SGCZ: variants seen among roughly 807,000 people sequenced by gnomAD.
The protein encoded by SGCZ is zeta-sarcoglycan.
SGCZ carries 40 observed loss-of-function variants against 41.3 expected under a neutral mutation model. The ratio of observed to expected loss-of-function variants is 0.97; its 90% CI spans 0.75 to 1.26. The LOEUF (loss-of-function observed/expected upper bound fraction) is 1.26. Ranked by LOEUF, SGCZ falls within the 50% of genes most tolerant of loss-of-function variation. The probability of loss-of-function intolerance (pLI) is 0.00; values close to 1 mark genes in which losing one functional copy is unlikely to be tolerated. For missense variants in SGCZ, 552 were observed against 369.8 expected (o/e 1.49, Z -4.04); for synonymous variants, 206 against 137.5 (o/e 1.50, Z -3.49).
chr8:14,422,360 A>G (rs1052767231), intron 2 of SGCZ, among the ~76,000 whole-genome samples: 11 of 152,334 alleles, frequency 7.2e-5, no homozygotes, highest in African/African-American at 2.6e-4. Context: ...ACTAGTATGT[A>G]TATTTACTTT....
chr8:15,054,770 C>T (rs553541042), intron 1 of SGCZ, among the ~76,000 whole-genome samples: 96 of 151,200 alleles, frequency 6.3e-4, no homozygotes, highest in African/African-American at 2.2e-3. Flanking sequence ...CTGGCTAACA[C>T]GGTGAAACCC....
intron 1 of SGCZ, among the ~76,000 whole-genome samples, chr8:15,091,807 C>G (rs1806162131): frequency 7.2e-5 from 11 of 152,106 alleles, no homozygotes. Flanking sequence ...GGCTGGAGTG[C>G]AGTGTTGTGA....
chr8:14,378,577 T>G (rs575704861), intron 2 of SGCZ, among the ~76,000 whole-genome samples: 10 of 151,988 alleles, frequency 6.6e-5, no homozygotes, highest in Non-Finnish European at 1.0e-4. Flanking sequence ...TCAAACAAAT[T>G]TACAAGAAAA....
chr8:14,360,619 C>A lies in SGCZ; in HGVS notation c.235-36415G>T, dbSNP rs372099097. On this transcript the variant is annotated intron_variant, in intron 2 of 7. Coordinates refer to ENST00000382080, the MANE Select transcript of SGCZ (RefSeq NM_139167.4). ...GGGATTACAGGTGTGAGTCACCGCG[C>A]CTGGCTGTTTATTTATTTATTTATT... is the stretch of plus-strand genomic sequence containing the variant. Among the ~76,000 whole-genome samples the A allele has an allele frequency of 2.0e-5, 3 of 150,030 alleles. No individual in the cohort carries two copies. The East Asian group carries it at 5.8e-4, about 29-fold the overall frequency.
chr8:14,526,732 A>G (rs1802961211), intron 2 of SGCZ, among the ~76,000 whole-genome samples: 1 of 152,094 alleles, frequency 6.6e-6, no homozygotes, highest in African/African-American at 2.4e-5. Context: ...TGCATATCAC[A>G]TCAACTCCTA....
At chr8:14,458,262 G>A (rs1029211320) in intron 2 of SGCZ, among the ~76,000 whole-genome samples, 6 of 152,026 alleles carry the variant, frequency 3.9e-5, no homozygotes, top group African/African-American at 9.7e-5. Flanking sequence ...AATGAAAAAC[G>A]TAAGCACACA....
At chr8:14,287,429 G>C (rs778132500) in intron 3 of SGCZ, among the ~76,000 whole-genome samples, 1 of 145,838 alleles carries the variant, frequency 6.9e-6, no homozygotes, top group African/African-American at 2.5e-5. Flanking sequence ...TTATATTACC[G>C]ATTTCTGTCT....
intron 1 of SGCZ, among the ~76,000 whole-genome samples, chr8:14,870,759 G>A (rs1339104003): frequency 6.6e-6 from 1 of 151,550 alleles, no homozygotes; most frequent in Non-Finnish European, 1.5e-5. Flanking sequence ...TCAAAAAGTG[G>A]GTGAAGAATA....
At chr8:14,131,911 G>C (rs974993509) in intron 5 of SGCZ, among the ~76,000 whole-genome samples, 1 of 152,082 alleles carries the variant, frequency 6.6e-6, no homozygotes, top group Non-Finnish European at 1.5e-5. Flanking sequence ...ATTTTATATA[G>C]TCTAGGTGGA....
intron 1 of SGCZ, among the ~76,000 whole-genome samples, chr8:15,136,176 A>C (rs1424549097): frequency 1.3e-5 from 2 of 151,892 alleles, no homozygotes; most frequent in Non-Finnish European, 2.9e-5. Context: ...GTCAAGCCCC[A>C]CCTCCTGAGT....
intron 1 of SGCZ, among the ~76,000 whole-genome samples, chr8:14,596,962 C>T (rs1805432366): frequency 6.6e-6 from 1 of 152,152 alleles, no homozygotes; most frequent in African/African-American, 2.4e-5. Flanking sequence ...TGTCATCAAC[C>T]TTTGGGGAAC....
intron 2 of SGCZ, among the ~76,000 whole-genome samples, chr8:14,492,791 T>C (rs899068061): frequency 5.9e-5 from 9 of 151,866 alleles, no homozygotes; most frequent in African/African-American, 1.7e-4. Flanking sequence ...AAAAGTGGTA[T>C]TCTTCCTGTG....
At chr8:14,268,393 G>C (rs1799949767) in intron 3 of SGCZ, among the ~76,000 whole-genome samples, 1 of 150,588 alleles carries the variant, frequency 6.6e-6, no homozygotes, top group African/African-American at 2.4e-5. Flanking sequence ...CTTTAACATT[G>C]CTTCATACCA....
chr8:14,471,640 A>C (rs1430692396), intron 2 of SGCZ, among the ~76,000 whole-genome samples: 1 of 152,102 alleles, frequency 6.6e-6, no homozygotes, highest in Admixed American at 6.6e-5. Flanking sequence ...AATTTACCAC[A>C]AATGTCACAT....
chr8:14,661,180 GC>G (rs968938894), intron 1 of SGCZ, among the ~76,000 whole-genome samples: 2 of 152,010 alleles, frequency 1.3e-5, no homozygotes, highest in African/African-American at 4.8e-5. Flanking sequence ...GGTAGTTTGT[GC>G]CCCCCGATGG....
chr8:14,806,067 A>T (rs1801514313), intron 1 of SGCZ, among the ~76,000 whole-genome samples: 1 of 151,792 alleles, frequency 6.6e-6, no homozygotes, highest in South Asian at 2.1e-4. Flanking sequence ...AATCTCTGGG[A>T]CGCATTCAAA....
At chr8:14,527,226 T>C (rs548397309) in intron 2 of SGCZ, among the ~76,000 whole-genome samples, 2 of 152,308 alleles carry the variant, frequency 1.3e-5, no homozygotes, top group South Asian at 2.1e-4. Context: ...TCAGTAAATA[T>C]GAAATTATCA....
chr8:14,978,829 C>T (rs1347201981), intron 1 of SGCZ, among the ~76,000 whole-genome samples: 1 of 152,116 alleles, frequency 6.6e-6, no homozygotes, highest in Non-Finnish European at 1.5e-5. Flanking sequence ...GATGGGGTCT[C>T]AGTCTGTCAC....
chr8:14,442,503 C>A (rs951250289), intron 2 of SGCZ, among the ~76,000 whole-genome samples: 1 of 152,126 alleles, frequency 6.6e-6, no homozygotes, highest in African/African-American at 2.4e-5. Flanking sequence ...AACTAATACA[C>A]CCTTCTTAAT....
Sources: allele counts gnomAD v4.1 joint callset (sites outside exome capture counted in the v4.1 genomes callset), GRCh38; gene constraint gnomAD v4.1.1; transcripts MANE v1.5; gene names NCBI Gene and HGNC (gene_info 2026-07-23, HGNC 2026-07-21).